UNC5B: variants seen among roughly 807,000 people sequenced by gnomAD.
UNC5B encodes unc-5 netrin receptor B.
In UNC5B, 56 loss-of-function variants were observed where a neutral mutation model predicts 103.7. That is an observed-to-expected ratio of 0.54 (90% CI 0.44 to 0.67). UNC5B has a LOEUF of 0.67. Ranked by LOEUF, UNC5B falls within the 30% of genes least tolerant of loss-of-function variation. The pLI is 0.00. For missense variants in UNC5B, 1,194 were observed against 1,284.5 expected, an observed-to-expected ratio of 0.93 and a Z score of 1.08; for synonymous variants, 577 against 542.0, an observed-to-expected ratio of 1.06 and a Z score of -0.90.
At chr10:71,217,206 T>A (rs1346289834) in intron 1 of UNC5B, 10 of 152,692 alleles carry the variant, frequency 6.5e-5, no homozygotes, top group Admixed American at 6.5e-4. Flanking sequence ...GAAGGCAAAA[T>A]GAAACCAAAC....
Position 71,296,682 on chromosome 10 carries a change from C to T in UNC5B, c.2430C>T (p.Ile810=), listed in dbSNP as rs140970622. Residue 810 remains isoleucine, a synonymous_variant, in exon 15 of 17, where the codon ATC becomes ATT. Transcript: ENST00000335350. ...CCTCCACAGAGCTCACCTGCAAGAT[C>T]TGCGTGCGGCAAGTGGAAGGGGAGG... ...SLASTELTCK[I]CVRQVEGEGQ... 1.9e-6 allele frequency: 3 copies of T among 1,614,184 alleles called. No individual in the cohort carries two copies. The highest frequency in any genetic ancestry group is 2.5e-6 in the Non-Finnish European group (3 of 1,180,030).
chr10:71,247,726 A>G lies in UNC5B; in HGVS notation c.80-32095A>G, dbSNP rs553214588. On this transcript the variant is annotated intron_variant, in intron 1 of 16. Coordinates refer to ENST00000335350, the MANE Select transcript of UNC5B (RefSeq NM_170744.5). ...ACACTGGGACCTTTGCATGGTTGGG[A>G]GTTCTGTGCCATAGAACAAAGAGAA... is the stretch of plus-strand genomic sequence containing the variant. 3.3e-5 allele frequency among the ~76,000 whole-genome samples: 5 copies of G among 152,306 alleles called. No individual in the cohort carries two copies. The East Asian group carries it at 9.6e-4, about 29-fold the overall frequency.
chr10:71,288,518 T>C, intron 6 of UNC5B, 50 bp from the exon 7 acceptor site: 12 of 1,582,872 alleles, frequency 7.6e-6, no homozygotes, highest in Non-Finnish European at 9.5e-6. Flanking sequence ...CATAACTATG[T>C]GTGCACATGT....
At chr10:71,263,813 G>A (rs945099196) in intron 1 of UNC5B, among the ~76,000 whole-genome samples, 4 of 152,160 alleles carry the variant, frequency 2.6e-5, no homozygotes, top group African/African-American at 9.7e-5. Context: ...CACCAAGCCA[G>A]TCCTTGAGCC....
intron 1 of UNC5B, among the ~76,000 whole-genome samples, chr10:71,214,896 C>T (rs1326861590): frequency 6.6e-6 from 1 of 152,156 alleles, no homozygotes; most frequent in Non-Finnish European, 1.5e-5. Context: ...TCAGAAATGG[C>T]CTCTAATACC....
At chr10:71,282,409 G>T (rs1373527583) in intron 2 of UNC5B, among the ~76,000 whole-genome samples, 1 of 152,164 alleles carries the variant, frequency 6.6e-6, no homozygotes, top group East Asian at 1.9e-4. Context: ...CCTGTCCTAT[G>T]CTCCCTGCAT....
intron 1 of UNC5B, among the ~76,000 whole-genome samples, chr10:71,232,103 T>C (rs370040268): frequency 6.6e-6 from 1 of 152,240 alleles, no homozygotes; most frequent in African/African-American, 2.4e-5. Flanking sequence ...GATACCCTTT[T>C]TGACCCTCAT....
chr10:71,264,723 A>G (rs1488680189), intron 1 of UNC5B, among the ~76,000 whole-genome samples: 1 of 152,140 alleles, frequency 6.6e-6, no homozygotes, highest in Non-Finnish European at 1.5e-5. Flanking sequence ...TACATTCTCA[A>G]GGCCCACCCC....
At chr10:71,218,831 G>A (rs1227301270) in intron 1 of UNC5B, among the ~76,000 whole-genome samples, 7 of 152,218 alleles carry the variant, frequency 4.6e-5, no homozygotes, top group Non-Finnish European at 1.0e-4. Flanking sequence ...GCTGGAGAAG[G>A]GGCCAGCAGA....
chr10:71,224,452 G>A (rs1380814731), intron 1 of UNC5B, among the ~76,000 whole-genome samples: 4 of 151,412 alleles, frequency 2.6e-5, no homozygotes, highest in African/African-American at 4.9e-5. Context: ...GTTGAGGATT[G>A]GGAAAACTGG....
At chr10:71,254,376 T>TG (rs1292686528) in intron 1 of UNC5B, among the ~76,000 whole-genome samples, 1 of 152,294 alleles carries the variant, frequency 6.6e-6, no homozygotes, top group East Asian at 1.9e-4. Context: ...TCTGGGACCA[T>TG]GGGTACCTGG....
intron 6 of UNC5B, 75 bp downstream of exon 6, chr10:71,287,840 C>A: frequency 6.5e-7 from 1 of 1,534,656 alleles, no homozygotes; most frequent in Admixed American, 2.2e-5. Context: ...AGAGCCGGGA[C>A]AGCCATTCTC....
rs1202586037 is a variant in UNC5B at position 71,213,261 on chromosome 10, G to A, written c.79+197G>A. ...ATCGCGGGAGCGGGGAGCAGGGAAG[G>A]GGCTTCACAGTAAGCTGAAAGGTCC... On this transcript the variant is annotated intron_variant, in intron 1 of 16. Coordinates refer to ENST00000335350, the MANE Select transcript of UNC5B (RefSeq NM_170744.5). The surrounding 1 kb of genome is among the most constrained non-coding windows in gnomAD (Gnocchi z 4.1). 1.3e-5 allele frequency among the ~76,000 whole-genome samples: 2 copies of A among 152,168 alleles called. No homozygotes were observed. Among genetic ancestry groups the A allele is most frequent in the African/African-American group, 4.8e-5 (2 of 41,446 alleles).
intron 1 of UNC5B, among the ~76,000 whole-genome samples, chr10:71,242,699 C>G (rs983682082): frequency 2.6e-5 from 4 of 152,236 alleles, no homozygotes; most frequent in Non-Finnish European, 5.9e-5. Flanking sequence ...GCCCAGTGCC[C>G]TCTCCTGCCA....
Position 71,259,111 on chromosome 10 carries a change from C to A in UNC5B, c.80-20710C>A, listed in dbSNP as rs371895880. 1.6e-4 allele frequency among the ~76,000 whole-genome samples: 24 copies of A among 152,158 alleles called. 1 individual carries two copies. Among genetic ancestry groups the A allele is most frequent in the Non-Finnish European group, 2.9e-5 (2 of 68,026 alleles). On this transcript the variant is annotated intron_variant, in intron 1 of 16. Coordinates refer to ENST00000335350, the MANE Select transcript of UNC5B (RefSeq NM_170744.5). ...TTCATTAGAAAAGTAATGACTGGGC[C>A]GGGTGCAGTGGCTCACACCTATAAT... is the stretch of plus-strand genomic sequence containing the variant.
chr10:71,293,799 G>T lies in UNC5B; in HGVS notation c.2041G>T (p.Val681Leu). The T allele has an allele frequency of 6.2e-7, 1 of 1,608,010 alleles. No homozygotes were observed. The highest frequency in any genetic ancestry group is 8.5e-7 in the Non-Finnish European group (1 of 1,177,548). ...HILLDQLGTY[V>L]FTGESYSRSA... ...CCTGCTGGACCAGCTGGGCACCTAC[G>T]TGTTCACGGGCGAGTCCTATTCCCG... Residue 681 changes from valine to leucine, a missense_variant, in exon 13 of 17, where the codon GTG becomes TTG. Transcript: ENST00000335350.
chr10:71,271,044 A>T (rs1179744456), intron 1 of UNC5B, among the ~76,000 whole-genome samples: 1 of 151,978 alleles, frequency 6.6e-6, no homozygotes. Context: ...GTGGGGGGCC[A>T]GGCTGGCCCC....
chr10:71,248,825 GGTA>G (rs1220512304), intron 1 of UNC5B, among the ~76,000 whole-genome samples: 1 of 150,068 alleles, frequency 6.7e-6, no homozygotes, highest in Non-Finnish European at 1.5e-5. Context: ...TGAAGCAGTG[GGTA>G]CAGGCTCCTC....
intron 4 of UNC5B, among the ~76,000 whole-genome samples, chr10:71,286,120 A>C (rs544827720): frequency 1.3e-5 from 2 of 152,288 alleles, no homozygotes; most frequent in East Asian, 3.9e-4. Context: ...CTCTGCAACA[A>C]CCCTGCAAAG....
Sources: allele counts gnomAD v4.1 joint callset (sites outside exome capture counted in the v4.1 genomes callset), GRCh38; gene constraint gnomAD v4.1.1; non-coding constraint Gnocchi (gnomAD v3.1); transcripts MANE v1.5; gene names NCBI Gene and HGNC (gene_info 2026-07-23, HGNC 2026-07-21).